Variants in TAB2 observed in about 807,000 individuals in gnomAD.
The protein encoded by TAB2 is TGF-beta-activated kinase 1 and MAP3K7-binding protein 2.
Under a neutral mutation model 65.0 loss-of-function variants are expected in TAB2, and 3 were observed. The observed-to-expected ratio is 0.05, with a 90% confidence interval of 0.02 to 0.12. The LOEUF (loss-of-function observed/expected upper bound fraction) is 0.12, where lower values mean the gene tolerates loss of function less well. TAB2 is among the 10% of genes least tolerant of loss of function. The pLI is 1.00. For missense variants in TAB2, 623 were observed against 840.3 expected (o/e 0.74, Z 3.20); for synonymous variants, 298 against 285.1 (o/e 1.05, Z -0.46).
chr6:149,255,485 T>C (rs1294392931), intron 1 of TAB2: 1 of 152,258 alleles, frequency 6.6e-6, no homozygotes, highest in East Asian at 1.9e-4. Flanking sequence ...ATTCTAAAAA[T>C]ATTCATAAGA....
intron 1 of TAB2, among the ~76,000 whole-genome samples, chr6:149,284,114 A>C (rs58521574): frequency 0.025 from 3,849 of 152,284 alleles, 197 homozygotes; most frequent in Admixed American, 0.12. Flanking sequence ...GGCCCAAAGC[A>C]GCAAACCAAA....
intron 1 of TAB2, among the ~76,000 whole-genome samples, chr6:149,279,609 C>T (rs1021205472): frequency 2.0e-5 from 3 of 152,158 alleles, no homozygotes; most frequent in African/African-American, 4.8e-5. Flanking sequence ...CTACAACGCA[C>T]AGGAATATCT....
intron 1 of TAB2, among the ~76,000 whole-genome samples, chr6:149,287,677 A>G (rs1035986847): frequency 6.6e-6 from 1 of 152,204 alleles, no homozygotes; most frequent in Non-Finnish European, 1.5e-5. Flanking sequence ...TCAATGTGGT[A>G]CTGTGCCTAG....
intron 1 of TAB2, among the ~76,000 whole-genome samples, chr6:149,310,622 T>C (rs542194): frequency 0.44 from 67,323 of 151,854 alleles, 15,386 homozygotes; most frequent in African/African-American, 0.57. Context: ...GTCTTTTGTA[T>C]GTTGATTGAT....
intron 1 of TAB2, among the ~76,000 whole-genome samples, chr6:149,261,781 A>C (rs1316058252): frequency 6.6e-6 from 1 of 152,272 alleles, no homozygotes; most frequent in Non-Finnish European, 1.5e-5. Flanking sequence ...GCTGAGACAC[A>C]GTAGTTTCCA....
At chr6:149,300,358 G>A (rs763078387) in intron 1 of TAB2, among the ~76,000 whole-genome samples, 1 of 152,192 alleles carries the variant, frequency 6.6e-6, no homozygotes, top group Non-Finnish European at 1.5e-5. Flanking sequence ...GGTTGACAGG[G>A]TCAGATAATT....
intron 1 of TAB2, among the ~76,000 whole-genome samples, chr6:149,353,351 C>A (rs187389117): frequency 2.0e-5 from 3 of 152,148 alleles, no homozygotes; most frequent in African/African-American, 7.2e-5. Flanking sequence ...TCAACAAGCA[C>A]GAAAAGGTGT....
chr6:149,364,901 TTA>T (rs1780990512), intron 1 of TAB2, among the ~76,000 whole-genome samples: 1 of 151,890 alleles, frequency 6.6e-6, no homozygotes, highest in Non-Finnish European at 1.5e-5. Flanking sequence ...GAGTGAGCCA[TTA>T]ACCAGTGCCT....
upstream of TAB2, among the ~76,000 whole-genome samples, chr6:149,316,779 C>T (rs1779263025): frequency 6.6e-6 from 1 of 152,176 alleles, no homozygotes; most frequent in Non-Finnish European, 1.5e-5. Context: ...CAACGAAACC[C>T]TCGCAGCATT....
chr6:149,307,568 CTGTGAT>C (rs1174907788), intron 1 of TAB2, among the ~76,000 whole-genome samples: 2 of 152,136 alleles, frequency 1.3e-5, no homozygotes, highest in African/African-American at 4.8e-5. Flanking sequence ...GGTCAGTACT[CTGTGAT>C]TGTCATTTTG....
chr6:149,348,730 G>A (rs1201127340), intron 1 of TAB2, among the ~76,000 whole-genome samples: 1 of 151,782 alleles, frequency 6.6e-6, no homozygotes. Flanking sequence ...TTGGAAGGAC[G>A]AGGCAGGTAG....
chr6:149,397,892 T>G (rs1782229147), intron 4 of TAB2, 77 bp from the exon 5 acceptor site: 1 of 1,577,042 alleles, frequency 6.3e-7, no homozygotes, highest in Admixed American at 1.7e-5. Flanking sequence ...CTTACTTTCT[T>G]GTGCCAAACT....
intron 1 of TAB2, among the ~76,000 whole-genome samples, chr6:149,300,456 A>G (rs887590003): frequency 1.3e-5 from 2 of 152,190 alleles, no homozygotes; most frequent in African/African-American, 4.8e-5. Flanking sequence ...AGTTGGATGA[A>G]AAAGTCTTTA....
chr6:149,392,146 G>A (rs533200535), intron 3 of TAB2, among the ~76,000 whole-genome samples: 4 of 137,068 alleles, frequency 2.9e-5, no homozygotes, highest in Non-Finnish European at 6.3e-5. Flanking sequence ...GGCAGGGGGC[G>A]GGGGGGCGGG....
At chr6:149,281,252 A>G (rs959024546) in intron 1 of TAB2, among the ~76,000 whole-genome samples, 2 of 152,140 alleles carry the variant, frequency 1.3e-5, no homozygotes, top group African/African-American at 4.8e-5. Flanking sequence ...AGAAGTAGAA[A>G]TGGAAGTACA....
chr6:149,336,307 G>A (rs1779934285), intron 1 of TAB2, among the ~76,000 whole-genome samples: 1 of 152,134 alleles, frequency 6.6e-6, no homozygotes, highest in South Asian at 2.1e-4. Context: ...TGATAGAGGT[G>A]AACTATAAGC....
intron 1 of TAB2, among the ~76,000 whole-genome samples, chr6:149,255,660 T>C (rs1243890395): frequency 2.6e-5 from 4 of 152,242 alleles, no homozygotes; most frequent in African/African-American, 9.6e-5. Context: ...CTGGAAGTGT[T>C]TGTATTCTAG....
At chr6:149,317,370 G>A (rs1233198957), upstream of TAB2, among the ~76,000 whole-genome samples, 1 of 151,704 alleles carries the variant, frequency 6.6e-6, no homozygotes, top group Non-Finnish European at 1.5e-5. The surrounding 1 kb of genome is among the most constrained non-coding windows in gnomAD (Gnocchi z 4.7). Flanking sequence ...GCGAGTGTCG[G>A]GGGAGGGGTA....
chr6:149,355,913 C>G (rs1780639873), intron 1 of TAB2, among the ~76,000 whole-genome samples: 1 of 151,964 alleles, frequency 6.6e-6, no homozygotes, highest in Non-Finnish European at 1.5e-5. Context: ...ATAAAGAAAC[C>G]TCCTTAACTT....
Sources: allele counts gnomAD v4.1 joint callset (sites outside exome capture counted in the v4.1 genomes callset), GRCh38; gene constraint gnomAD v4.1.1; non-coding constraint Gnocchi (gnomAD v3.1); transcripts MANE v1.5; gene names NCBI Gene and HGNC (gene_info 2026-07-23, HGNC 2026-07-21).